FCHSD2: variants seen among roughly 807,000 people sequenced by gnomAD.
The protein encoded by FCHSD2 is F-BAR and double SH3 domains protein 2.
In FCHSD2, 38 loss-of-function variants were observed where a neutral mutation model predicts 108.1. The observed-to-expected ratio is 0.35, with a 90% CI of 0.27 to 0.46. The LOEUF (loss-of-function observed/expected upper bound fraction) is 0.46. Ranked by LOEUF, FCHSD2 falls within the 20% of genes least tolerant of loss-of-function variation. FCHSD2 has a pLI of 1.00. For synonymous variants in FCHSD2, 279 were observed against 314.7 expected, an observed-to-expected ratio of 0.89 and a Z score of 1.20; for missense variants, 751 against 897.8, an observed-to-expected ratio of 0.84 and a Z score of 2.09.
chr11:73,010,281 C>T (rs527760608), intron 4 of FCHSD2, among the ~76,000 whole-genome samples: 1 of 152,230 alleles, frequency 6.6e-6, no homozygotes, highest in Admixed American at 6.5e-5. Flanking sequence ...TGGTAAATTT[C>T]TCATTCATAT....
intron 10 of FCHSD2, chr11:72,900,166 T>C (rs1591380485): frequency 1.2e-6 from 1 of 851,436 alleles, no homozygotes. Context: ...TGTATATACA[T>C]AACTTTCATC....
At chr11:73,000,551 A>G (rs1006136581) in intron 5 of FCHSD2, among the ~76,000 whole-genome samples, 1 of 152,200 alleles carries the variant, frequency 6.6e-6, no homozygotes, top group African/African-American at 2.4e-5. Context: ...TAAGTTTTTT[A>G]TGTTTAGTCA....
intron 2 of FCHSD2, among the ~76,000 whole-genome samples, chr11:73,090,261 T>C (rs1358165477): frequency 7.0e-6 from 1 of 142,924 alleles, no homozygotes; most frequent in Non-Finnish European, 1.5e-5. Context: ...AGTCTCGCTC[T>C]GTCGCCCAGG....
Position 73,000,973 on chromosome 11 carries a change from A to G in FCHSD2, c.387+17T>C. 1 of 1,588,784 alleles carries G rather than the reference A, an allele frequency of 6.3e-7. No homozygotes were observed. Among genetic ancestry groups the G allele is most frequent in the Non-Finnish European group, 8.6e-7 (1 of 1,165,832 alleles). On this transcript the variant is annotated intron_variant, in intron 5 of 19. Transcript: ENST00000409418. ...GGGATATTAAAATGCATATAAGAAC[A>G]GAAATAAAAACAATACCCTTTTTAG... is the stretch of plus-strand genomic sequence containing the variant.
chr11:73,141,499 A>G (rs1339225320), intron 1 of FCHSD2, among the ~76,000 whole-genome samples: 4 of 152,198 alleles, frequency 2.6e-5, no homozygotes, highest in African/African-American at 9.6e-5. Context: ...ACACACGCAC[A>G]AGGCTCTGCA....
chr11:72,867,763 A>G (rs2135203949), intron 13 of FCHSD2, 102 bp downstream of exon 13: 1 of 947,334 alleles, frequency 1.1e-6, no homozygotes, highest in Non-Finnish European at 1.6e-6. Context: ...CTAGCAAACT[A>G]TTATCTTTTT....
rs1860820317 is a variant in FCHSD2 at position 72,838,991 on chromosome 11, ATGT to A, written c.2140-120_2140-118del. Reference sequence around the variant, plus strand: ...CATGGGCACCCTAGGGGTCTCAGAAATGTTGTGAGCACGTGCTTTCAACCTAGT... The same window carrying A: ...CATGGGCACCCTAGGGGTCTCAGAAATGTGAGCACGTGCTTTCAACCTAGT... On this transcript the variant is annotated intron_variant, in intron 19 of 19. Coordinates refer to ENST00000409418, the MANE Select transcript of FCHSD2 (RefSeq NM_014824.3). The A allele has an allele frequency of 2.1e-5, 17 of 806,904 alleles. No individual in the cohort carries two copies. The East Asian group carries it at 3.5e-4, about 17-fold the overall frequency. 50.0% of individuals were successfully genotyped at this position (806,904 alleles called of 1,614,324 possible).
intron 3 of FCHSD2, among the ~76,000 whole-genome samples, chr11:73,069,785 C>T (rs1859388877): frequency 6.6e-6 from 1 of 151,794 alleles, no homozygotes; most frequent in Admixed American, 6.6e-5. Context: ...AGCAAGAGAC[C>T]CAGGTTAACA....
At chr11:73,106,573 T>C (rs1277834796) in intron 2 of FCHSD2, among the ~76,000 whole-genome samples, 2 of 152,108 alleles carry the variant, frequency 1.3e-5, no homozygotes, top group Non-Finnish European at 2.9e-5. Flanking sequence ...AAACAGTAGA[T>C]AAGAATTTAA....
chr11:73,131,684 A>T (rs1838784003), intron 2 of FCHSD2, among the ~76,000 whole-genome samples: 1 of 151,812 alleles, frequency 6.6e-6, no homozygotes, highest in South Asian at 2.1e-4. Context: ...GGTCTAGGCA[A>T]CAAACCAAGA....
chr11:73,140,278 G>T (rs1293633391), intron 1 of FCHSD2, 150 bp from the exon 2 acceptor site: 3 of 531,888 alleles, frequency 5.6e-6, no homozygotes, highest in Non-Finnish European at 6.6e-6. Flanking sequence ...TTTATTTATT[G>T]AAGATACTTA....
chr11:72,956,808 T>C (rs1355672083), intron 8 of FCHSD2, among the ~76,000 whole-genome samples: 1 of 128,508 alleles, frequency 7.8e-6, no homozygotes, highest in Non-Finnish European at 1.6e-5. Flanking sequence ...AGGGGAAAAA[T>C]GATGATTTCA....
intron 3 of FCHSD2, among the ~76,000 whole-genome samples, chr11:73,047,707 A>G (rs977108522): frequency 2.6e-5 from 4 of 152,194 alleles, no homozygotes; most frequent in African/African-American, 9.6e-5. Context: ...TTTGGCATCA[A>G]TGTGACCCCA....
chr11:72,912,057 C>T (rs1307987653), intron 9 of FCHSD2, among the ~76,000 whole-genome samples: 1 of 152,172 alleles, frequency 6.6e-6, no homozygotes, highest in Non-Finnish European at 1.5e-5. Context: ...GTGGAGTCTT[C>T]AGGTTTTTCA....
At chr11:72,923,933 C>T (rs997430401) in intron 8 of FCHSD2, among the ~76,000 whole-genome samples, 2 of 152,076 alleles carry the variant, frequency 1.3e-5, no homozygotes, top group East Asian at 3.9e-4. Context: ...GAGCAAGACT[C>T]AGTCTCAGAA....
intron 14 of FCHSD2, among the ~76,000 whole-genome samples, chr11:72,844,538 C>A (rs1475633538): frequency 6.6e-6 from 1 of 152,164 alleles, no homozygotes; most frequent in Non-Finnish European, 1.5e-5. Flanking sequence ...GCCCTTGAGA[C>A]TGCCAAATCT....
chr11:73,129,541 T>A (rs758831938), intron 2 of FCHSD2, among the ~76,000 whole-genome samples: 10 of 152,214 alleles, frequency 6.6e-5, no homozygotes, highest in Non-Finnish European at 2.9e-5. Context: ...TAATGCCTGA[T>A]GATCTGTCAC....
intron 9 of FCHSD2, among the ~76,000 whole-genome samples, chr11:72,907,606 T>TTG (rs1380465766): frequency 2.0e-5 from 3 of 147,348 alleles, no homozygotes; most frequent in Admixed American, 6.8e-5. Flanking sequence ...TGGGTTTTTT[T>TTG]TTTTTTTTTT....
intron 3 of FCHSD2, among the ~76,000 whole-genome samples, chr11:73,079,631 G>A (rs1003555436): frequency 6.6e-6 from 1 of 152,136 alleles, no homozygotes; most frequent in South Asian, 2.1e-4. Flanking sequence ...AATTATTTCA[G>A]AGGTTTCTCT....
Sources: gnomAD v4.1 joint callset for allele counts (sites outside exome capture counted in the v4.1 genomes callset) on GRCh38, gnomAD v4.1.1 for gene constraint, MANE v1.5 for transcripts, NCBI Gene and HGNC (gene_info 2026-07-23, HGNC 2026-07-21) for gene names.